Variants in SVIL observed in about 807,000 individuals in gnomAD.
The protein encoded by SVIL is archvillin.
A neutral mutation model predicts 240.4 loss-of-function variants in SVIL; 101 were observed. The observed-to-expected ratio is 0.42, with a 90% CI of 0.36 to 0.50. The LOEUF (loss-of-function observed/expected upper bound fraction) is 0.50, where lower values mean the gene tolerates loss of function less well. SVIL is among the 20% of genes least tolerant of loss of function. The pLI is 0.01. For missense variants in SVIL, 2,512 were observed against 2,818.7 expected (o/e 0.89, Z 2.46); for synonymous variants, 999 against 1,100.0 (o/e 0.91, Z 1.82).
intron 17 of SVIL, 103 bp downstream of exon 17, chr10:29,512,632 A>T: frequency 6.3e-7 from 1 of 1,597,922 alleles, no homozygotes; most frequent in Non-Finnish European, 8.5e-7. Flanking sequence ...AAAATGCACA[A>T]ATGCTTCACA....
At chr10:29,657,177 T>A (rs1959031991) in intron 3 of SVIL, among the ~76,000 whole-genome samples, 1 of 152,228 alleles carries the variant, frequency 6.6e-6, no homozygotes, top group Non-Finnish European at 1.5e-5. Context: ...CCTTAATTGT[T>A]AATGTATTTA....
At chr10:29,639,839 A>T (rs1958428709), upstream of SVIL, among the ~76,000 whole-genome samples, 1 of 152,166 alleles carries the variant, frequency 6.6e-6, no homozygotes, top group Non-Finnish European at 1.5e-5. Context: ...GGGCAGATGG[A>T]GGTTTCAGGG....
chr10:29,510,322 CGT>C (rs1949736268), intron 17 of SVIL, among the ~76,000 whole-genome samples: 1 of 152,118 alleles, frequency 6.6e-6, no homozygotes, highest in African/African-American at 2.4e-5. Context: ...CATCCTTTAT[CGT>C]ACTTTTTTAA....
At chr10:29,491,948 C>T (rs912379958) in intron 21 of SVIL, among the ~76,000 whole-genome samples, 5 of 152,166 alleles carry the variant, frequency 3.3e-5, no homozygotes, top group East Asian at 1.9e-4. Context: ...AACATGCAAA[C>T]TGAAACAAAT....
intron 1 of SVIL, among the ~76,000 whole-genome samples, chr10:29,625,448 T>C (rs1387941320): frequency 6.6e-6 from 1 of 152,016 alleles, no homozygotes; most frequent in Non-Finnish European, 1.5e-5. Context: ...TTGCCTCAAG[T>C]ATACATATAT....
rs66616602 is a variant in SVIL at position 29,509,330 on chromosome 10, G to GGAGAGAGAGAGAGAGAGAGAGAGAGAGA, written c.3516+3377_3516+3404dup. ...GAGAGAAAGGGAGAAGGAGGGGGAG[G>GGAGAGAGAGAGAGAGAGAGAGAGAGAGA]GAGAGAGAGAGAGAGAGAGAGAGAG... On this transcript the variant is annotated intron_variant, in intron 17 of 37. Coordinates refer to ENST00000355867, the MANE Select transcript of SVIL (RefSeq NM_021738.3). Among the ~76,000 whole-genome samples the GGAGAGAGAGAGAGAGAGAGAGAGAGAGA allele has an allele frequency of 1.6e-4, 11 of 66,912 alleles. 1 individual carries two copies. Among genetic ancestry groups the GGAGAGAGAGAGAGAGAGAGAGAGAGAGA allele is most frequent in the Non-Finnish European group, 2.5e-4 (8 of 32,278 alleles). 43.9% of individuals were successfully genotyped at this position (66,912 alleles called of 152,430 possible). A position where few individuals can be genotyped will look rare whatever the true frequency, so the allele number is the denominator to read the frequency against.
chr10:29,564,846 C>T (rs1376203313), intron 2 of SVIL, among the ~76,000 whole-genome samples: 3 of 152,194 alleles, frequency 2.0e-5, no homozygotes, highest in African/African-American at 7.2e-5. Flanking sequence ...GCCTAGGACA[C>T]CTGCCTAGTC....
chr10:29,707,643 T>C (rs907062313), intron 1 of SVIL, among the ~76,000 whole-genome samples: 8 of 152,138 alleles, frequency 5.3e-5, no homozygotes, highest in Admixed American at 6.5e-5. Flanking sequence ...CCAAAGAAAT[T>C]ATATTTTACA....
chr10:29,609,076 G>A (rs1957136399), intron 1 of SVIL, among the ~76,000 whole-genome samples: 2 of 152,196 alleles, frequency 1.3e-5, no homozygotes, highest in African/African-American at 4.8e-5. Flanking sequence ...GTAGAAAGGA[G>A]CTACCCACTT....
chr10:29,697,518 C>A (rs1297508404), intron 1 of SVIL, among the ~76,000 whole-genome samples: 1 of 88,204 alleles, frequency 1.1e-5, no homozygotes, highest in Admixed American at 1.4e-4. Context: ...TGACCTTACC[C>A]CCAACCCTGT....
At chr10:29,505,892 A>G (rs1025604209) in intron 17 of SVIL, among the ~76,000 whole-genome samples, 4 of 152,096 alleles carry the variant, frequency 2.6e-5, no homozygotes, top group African/African-American at 7.2e-5. Flanking sequence ...GACTGGTTCA[A>G]GGACCTCCTA....
Position 29,533,417 on chromosome 10 carries a change from C to T in SVIL, c.950G>A (p.Arg317Gln), listed in dbSNP as rs1031279491. The T allele has an allele frequency of 1.6e-5, 26 of 1,613,676 alleles. No individual in the cohort carries two copies. Among genetic ancestry groups the T allele is most frequent in the Admixed American group, 6.7e-5 (4 of 59,956 alleles). Residue 317 changes from arginine to glutamine, a missense_variant, in exon 8 of 38, where the codon CGA (arginine) becomes CAA (glutamine). Around this residue, in one of 3 missense-constraint regions of SVIL, gnomAD observed 1,443 missense variants for 1,486.6 expected, o/e 0.97. Transcript: ENST00000355867. ...REKLVKEESA[R>Q]NSPELASESV... The stretch of plus-strand genomic sequence containing the variant: ...CTCTGAGGCGAGTTCAGGGCTGTTT[C>T]GAGCACTTTCCTCTTTCACCAATTT...
At chr10:29,541,982 C>T (rs1193867624) in intron 6 of SVIL, among the ~76,000 whole-genome samples, 1 of 152,178 alleles carries the variant, frequency 6.6e-6, no homozygotes, top group Non-Finnish European at 1.5e-5. Context: ...GCTCACAGTG[C>T]GTTCCACTGA....
chr10:29,712,428 C>T (rs1222639704), intron 1 of SVIL, among the ~76,000 whole-genome samples: 1 of 152,188 alleles, frequency 6.6e-6, no homozygotes, highest in East Asian at 1.9e-4. Flanking sequence ...AGCCTGGGAC[C>T]TTCTTCCTCT....
At chr10:29,551,850 C>T (rs1319278477) in intron 5 of SVIL, among the ~76,000 whole-genome samples, 1 of 152,150 alleles carries the variant, frequency 6.6e-6, no homozygotes, top group Non-Finnish European at 1.5e-5. Context: ...GTGGCTCACA[C>T]CTGTAATCCC....
At chr10:29,493,946 T>C (rs1448596443) in intron 20 of SVIL, among the ~76,000 whole-genome samples, 3 of 152,122 alleles carry the variant, frequency 2.0e-5, no homozygotes, top group Middle Eastern at 3.2e-3. Context: ...AGGCTGAGGC[T>C]GGGGGATCGC....
At chr10:29,663,481 C>T (rs909637124) in intron 2 of SVIL, among the ~76,000 whole-genome samples, 12 of 152,136 alleles carry the variant, frequency 7.9e-5, no homozygotes, top group Admixed American at 5.9e-4. Context: ...CTCCGCCTCC[C>T]AGGTCCATGG....
At chr10:29,634,232 A>C (rs1354096170) in intron 1 of SVIL, among the ~76,000 whole-genome samples, 188 bp downstream of exon 1, 1 of 152,140 alleles carries the variant, frequency 6.6e-6, no homozygotes, top group East Asian at 1.9e-4. Flanking sequence ...AACCCAAGAA[A>C]TATGCCCAAG....
At chr10:29,526,464 C>T (rs990352445) in intron 13 of SVIL, among the ~76,000 whole-genome samples, 1 of 151,954 alleles carries the variant, frequency 6.6e-6, no homozygotes, top group South Asian at 2.1e-4. Flanking sequence ...GCCACCATGC[C>T]CAGCTAATTT....
Sources: gnomAD v4.1 joint callset for allele counts (sites outside exome capture counted in the v4.1 genomes callset) on GRCh38, gnomAD v4.1.1 for gene constraint, gnomAD v4.1.1 regional missense constraint, MANE v1.5 for transcripts, NCBI Gene and HGNC (gene_info 2026-07-23, HGNC 2026-07-21) for gene names.